Variants in KANK1 observed in about 807,000 individuals in gnomAD.
KANK1 encodes the protein KN motif and ankyrin repeat domains 1.
A neutral mutation model predicts 106.2 loss-of-function variants in KANK1; 109 were observed. The observed-to-expected ratio is 1.03, with a 90% confidence interval of 0.88 to 1.20. The LOEUF (loss-of-function observed/expected upper bound fraction) is 1.20. Ranked by LOEUF, KANK1 falls within the 50% of genes most tolerant of loss-of-function variation. The probability of loss-of-function intolerance (pLI) is 0.00; values close to 1 mark genes in which losing one functional copy is unlikely to be tolerated. For synonymous variants in KANK1, 873 were observed against 652.2 expected, an observed-to-expected ratio of 1.34 and a Z score of -5.16; for missense variants, 2,399 against 1,710.7, an observed-to-expected ratio of 1.40 and a Z score of -7.10.
At chr9:653,461 T>G (rs1381881844) in intron 1 of KANK1, among the ~76,000 whole-genome samples, 2 of 152,010 alleles carry the variant, frequency 1.3e-5, no homozygotes, top group Admixed American at 6.6e-5. Context: ...ATAGGACTTT[T>G]GTTCAGATCT....
chr9:578,884 C>G (rs755186615), intron 1 of KANK1, among the ~76,000 whole-genome samples: 2 of 152,132 alleles, frequency 1.3e-5, no homozygotes, highest in African/African-American at 2.4e-5. Flanking sequence ...AATCCCATCT[C>G]GAAGATGACG....
At chr9:729,649 C>G (rs910248229) in intron 3 of KANK1, among the ~76,000 whole-genome samples, 21 of 152,198 alleles carry the variant, frequency 1.4e-4, no homozygotes, top group Admixed American at 2.0e-4. Context: ...ACTACATTTC[C>G]TGAGCAGTGG....
rs920239953 is a variant in KANK1, at chr9:686,250, C to T, written c.37+9241C>T. On this transcript the variant is annotated intron_variant, in intron 2 of 11. Coordinates refer to ENST00000382297, the MANE Select transcript of KANK1 (RefSeq NM_015158.5). ...GCCGATTTATTTATTTTTCCCTCAG[C>T]ATTTTTAGGTGGATTGACTGGGATG... Among the ~76,000 whole-genome samples the T allele has an allele frequency of 3.9e-5, 6 of 152,274 alleles. No homozygotes were observed. In the South Asian group the frequency reaches 1.2e-3, roughly 32 times the overall value.
At chr9:605,922 G>A (rs765889126) in intron 1 of KANK1, among the ~76,000 whole-genome samples, 3 of 151,648 alleles carry the variant, frequency 2.0e-5, no homozygotes, top group African/African-American at 7.3e-5. Context: ...GGGGAAGGCC[G>A]GGTCTGTGTT....
chr9:745,183 G>A lies in KANK1; in HGVS notation c.4007G>A (p.Arg1336Lys), dbSNP rs766471821. 6.2e-7 allele frequency: 1 copy of A among 1,614,082 alleles called. No individual in the cohort carries two copies. Among genetic ancestry groups the A allele is most frequent in the Non-Finnish European group, 8.5e-7 (1 of 1,179,994 alleles). The change falls in exon 12 of 12, where the codon AGG becomes AAG. Residue 1336 changes from arginine to lysine, a missense_variant. Physicochemically the swap from Arg to Lys is conservative, Grantham distance 26. Coordinates refer to ENST00000382297, the MANE Select transcript of KANK1 (RefSeq NM_015158.5). ...FAKAQSPGTPRLGRKTSPGPT... is the reference protein window; with the variant it reads ...FAKAQSPGTPKLGRKTSPGPT... ...TTTCCTGGTCTCTAGGGCACCCCTAGGCTTGGAAGGAAGACGTCTCCTGGC... is the reference window on the plus strand; with the variant it reads ...TTTCCTGGTCTCTAGGGCACCCCTAAGCTTGGAAGGAAGACGTCTCCTGGC...
At chr9:649,459 C>A (rs1207872436) in intron 1 of KANK1, among the ~76,000 whole-genome samples, 2 of 152,194 alleles carry the variant, frequency 1.3e-5, no homozygotes, top group African/African-American at 4.8e-5. Context: ...TAACTGACTT[C>A]AGTCACTGAG....
At chr9:541,871 C>T (rs1453643722) in intron 1 of KANK1, among the ~76,000 whole-genome samples, 6 of 151,266 alleles carry the variant, frequency 4.0e-5, no homozygotes, top group African/African-American at 7.3e-5. Context: ...GGGCGGATCA[C>T]GAGGTCAGGA....
chr9:601,815 G>A (rs1342939643), intron 1 of KANK1, among the ~76,000 whole-genome samples: 2 of 151,772 alleles, frequency 1.3e-5, no homozygotes, highest in Admixed American at 6.5e-5. Context: ...GGCTAATCTT[G>A]TATTTTCCTT....
chr9:700,523 T>C (rs1822401812), intron 2 of KANK1, among the ~76,000 whole-genome samples: 1 of 152,210 alleles, frequency 6.6e-6, no homozygotes, highest in Admixed American at 6.5e-5. Flanking sequence ...CTTGCCTCTC[T>C]TCCTGAGTTC....
chr9:742,756 C>T (rs1293320009), intron 10 of KANK1, among the ~76,000 whole-genome samples: 1 of 152,144 alleles, frequency 6.6e-6, no homozygotes, highest in African/African-American at 2.4e-5. Flanking sequence ...CTGACAGGTG[C>T]ACTTGGAAAT....
chr9:637,576 T>C (rs956122205), intron 1 of KANK1, among the ~76,000 whole-genome samples: 6 of 152,182 alleles, frequency 3.9e-5, no homozygotes, highest in Non-Finnish European at 5.9e-5. Context: ...TGAGAATTTG[T>C]ATTTCTGTTA....
chr9:712,869 CACT>C lies in KANK1; in HGVS notation c.2104_2106del (p.Thr702del). Reference sequence around the variant, plus strand: ...AGTCCTGCACCAACACTTGTCTAAGCACTTTGGACAAGCAGACCAGCACCCAGA... The same window carrying C: ...AGTCCTGCACCAACACTTGTCTAAGCTTGGACAAGCAGACCAGCACCCAGA... On this transcript the variant is annotated inframe_deletion, in exon 3 of 12. Coordinates refer to ENST00000382297, the MANE Select transcript of KANK1 (RefSeq NM_015158.5). 1 of 1,613,816 alleles carries C rather than the reference CACT, an allele frequency of 6.2e-7. No homozygotes were observed. Among genetic ancestry groups the C allele is most frequent in the East Asian group, 2.2e-5 (1 of 44,824 alleles).
At chr9:727,189 C>G (rs922404053) in intron 3 of KANK1, among the ~76,000 whole-genome samples, 6 of 152,076 alleles carry the variant, frequency 3.9e-5, no homozygotes, top group African/African-American at 1.4e-4. Flanking sequence ...GAAACAATAG[C>G]CTTCTGTGTC....
rs917998184 is a variant in KANK1 at position 522,581 on chromosome 9, G to T, written c.-84+17827G>T. The stretch of plus-strand genomic sequence containing the variant: ...GGGGTCCTGGTGTACCCCAGGGTTT[G>T]TTCTCCAGGCCTGGGACCCACAGTG... On this transcript the variant is annotated intron_variant, in intron 1 of 11. Coordinates refer to ENST00000382297, the MANE Select transcript of KANK1 (RefSeq NM_015158.5). Among the ~76,000 whole-genome samples, 16 of 151,702 alleles carry T rather than the reference G, an allele frequency of 1.1e-4. 2 individuals are homozygous for T. The highest frequency in any genetic ancestry group is 3.4e-4 in the African/African-American group (14 of 41,000).
chr9:513,007 A>G (rs146245568), intron 1 of KANK1, among the ~76,000 whole-genome samples: 6 of 152,294 alleles, frequency 3.9e-5, no homozygotes, highest in African/African-American at 1.4e-4. Context: ...GTTGAAGGGT[A>G]TGGTGTTGGG....
At chr9:585,086 G>A (rs1823127532) in intron 1 of KANK1, among the ~76,000 whole-genome samples, 1 of 152,142 alleles carries the variant, frequency 6.6e-6, no homozygotes, top group South Asian at 2.1e-4. Context: ...GGGCTTGTGT[G>A]CCTCTCCACC....
intron 1 of KANK1, among the ~76,000 whole-genome samples, chr9:576,058 A>G (rs956623177): frequency 2.0e-5 from 3 of 152,210 alleles, no homozygotes; most frequent in Non-Finnish European, 2.9e-5. Context: ...AATGATTCCC[A>G]AAGTATGGTC....
chr9:680,217 A>G (rs1167733258), intron 2 of KANK1, among the ~76,000 whole-genome samples: 2 of 152,160 alleles, frequency 1.3e-5, no homozygotes, highest in South Asian at 2.1e-4. Flanking sequence ...AGCACTTTCC[A>G]TAGTGTTAGT....
At chr9:695,482 C>T (rs1331149482) in intron 2 of KANK1, among the ~76,000 whole-genome samples, 1 of 151,804 alleles carries the variant, frequency 6.6e-6, no homozygotes, top group Admixed American at 6.6e-5. Context: ...CACACATCCC[C>T]TACAGCTCCC....
Sources: allele counts gnomAD v4.1 joint callset (sites outside exome capture counted in the v4.1 genomes callset), GRCh38; gene constraint gnomAD v4.1.1; transcripts MANE v1.5; gene names NCBI Gene and HGNC (gene_info 2026-07-23, HGNC 2026-07-21).